COL5A2: variants seen among roughly 807,000 people sequenced by gnomAD.
COL5A2 encodes collagen alpha-2(V) chain.
In COL5A2, 23 loss-of-function variants were observed where a neutral mutation model predicts 208.2. That is an observed-to-expected ratio of 0.11 (90% CI 0.08 to 0.16). The LOEUF is 0.16. Ranked by LOEUF, COL5A2 falls within the 10% of genes least tolerant of loss-of-function variation. COL5A2 has a pLI of 1.00. For missense variants in COL5A2, 1,590 were observed against 1,956.4 expected (o/e 0.81, Z 3.53); for synonymous variants, 625 against 628.5 (o/e 0.99, Z 0.08).
chr2:189,402,668 G>A, the COL5A2 span, among the ~76,000 whole-genome samples: 3 of 152,130 alleles, frequency 2.0e-5, no homozygotes, highest in Non-Finnish European at 4.4e-5. Context: ...CCCCATTGTT[G>A]CTTTTGTCAG....
At chr2:189,301,186 CA>C in the COL5A2 span, among the ~76,000 whole-genome samples, 3 of 146,002 alleles carry the variant, frequency 2.1e-5, no homozygotes, top group Non-Finnish European at 3.0e-5. Context: ...AACCCTGTCT[CA>C]AAAAAAAAAT....
intron 12 of COL5A2, among the ~76,000 whole-genome samples, chr2:189,083,203 G>C (rs1241709483): frequency 6.6e-6 from 1 of 152,156 alleles, no homozygotes; most frequent in Non-Finnish European, 1.5e-5. Flanking sequence ...GAGGACTTTT[G>C]CTTGCTTATC....
At chr2:189,077,238 C>T (rs2105626852) in intron 16 of COL5A2, among the ~76,000 whole-genome samples, 1 of 152,204 alleles carries the variant, frequency 6.6e-6, no homozygotes, top group South Asian at 2.1e-4. Context: ...GACACCACAC[C>T]AATAACTAAC....
At chr2:189,186,437 G>A (rs1420557230) in intron 1 of COL5A2, among the ~76,000 whole-genome samples, 1 of 152,174 alleles carries the variant, frequency 6.6e-6, no homozygotes, top group East Asian at 1.9e-4. Context: ...GTCAAATACT[G>A]TGTTAGCACT....
At chr2:189,184,824 C>T (rs1251504999), upstream of COL5A2, among the ~76,000 whole-genome samples, 1 of 152,064 alleles carries the variant, frequency 6.6e-6, no homozygotes, top group Non-Finnish European at 1.5e-5. Context: ...GGCTATTATT[C>T]TTTCTGTACC....
At chr2:189,116,371 A>G (rs1003657495) in intron 1 of COL5A2, among the ~76,000 whole-genome samples, 4 of 152,196 alleles carry the variant, frequency 2.6e-5, no homozygotes, top group African/African-American at 9.7e-5. Context: ...ACTGTTTATC[A>G]TTAGAAGGGA....
intron 50 of COL5A2, among the ~76,000 whole-genome samples, chr2:189,041,025 C>T (rs753503917): frequency 6.6e-6 from 1 of 152,202 alleles, no homozygotes; most frequent in Admixed American, 6.5e-5. Flanking sequence ...TATACAAACA[C>T]GCACATGAGT....
intron 36 of COL5A2, 44 bp from the exon 37 acceptor site, chr2:189,053,992 A>G: frequency 6.3e-7 from 1 of 1,587,570 alleles, no homozygotes; most frequent in Non-Finnish European, 8.6e-7. Context: ...AACAGTAGCT[A>G]AACATAATTT....
intron 1 of COL5A2, among the ~76,000 whole-genome samples, chr2:189,163,882 T>C (rs1482835102): frequency 1.3e-5 from 2 of 152,216 alleles, no homozygotes; most frequent in Non-Finnish European, 2.9e-5. Flanking sequence ...AGTTAGTCCA[T>C]GACAGAGCTG....
At chr2:189,214,761 C>T (rs556238749) in intron 1 of COL5A2, among the ~76,000 whole-genome samples, 1 of 152,236 alleles carries the variant, frequency 6.6e-6, no homozygotes, top group African/African-American at 2.4e-5. Flanking sequence ...GTGACTAATT[C>T]TCAGTAGTAA....
chr2:189,292,587 T>C, the COL5A2 span, among the ~76,000 whole-genome samples: 2 of 152,096 alleles, frequency 1.3e-5, no homozygotes, highest in African/African-American at 2.4e-5. Flanking sequence ...TGGCAATCAT[T>C]AAAAAGTCAG....
chr2:189,348,890 C>T, the COL5A2 span, among the ~76,000 whole-genome samples: 1 of 152,108 alleles, frequency 6.6e-6, no homozygotes, highest in Non-Finnish European at 1.5e-5. Context: ...TGTTACCAGC[C>T]ATCATTTTTA....
At chr2:189,214,819 T>G (rs1041077472) in intron 1 of COL5A2, among the ~76,000 whole-genome samples, 2 of 152,182 alleles carry the variant, frequency 1.3e-5, no homozygotes, top group Admixed American at 6.5e-5. Context: ...AGGTACTTGT[T>G]TTCTTCCATA....
chr2:189,169,567 G>A (rs1397165234), intron 1 of COL5A2, among the ~76,000 whole-genome samples: 1 of 152,034 alleles, frequency 6.6e-6, no homozygotes, highest in South Asian at 2.1e-4. Flanking sequence ...GATCATAGTA[G>A]AATAAAATAT....
the COL5A2 span, among the ~76,000 whole-genome samples, chr2:189,249,764 T>G: frequency 6.6e-6 from 1 of 151,914 alleles, no homozygotes; most frequent in African/African-American, 2.4e-5. Flanking sequence ...TGGTGTGATC[T>G]CGGCTCATTG....
At chr2:189,182,935 T>C (rs1003947211), upstream of COL5A2, among the ~76,000 whole-genome samples, 59 of 152,288 alleles carry the variant, frequency 3.9e-4, no homozygotes, top group Middle Eastern at 3.4e-3. Flanking sequence ...TTCTCTCTTC[T>C]CTACCTTCCA....
At chr2:189,194,853 GATC>G (rs1688977532) in intron 1 of COL5A2, among the ~76,000 whole-genome samples, 1 of 152,120 alleles carries the variant, frequency 6.6e-6, no homozygotes, top group Non-Finnish European at 1.5e-5. Context: ...CTATTGAGAT[GATC>G]ATGTGGTTTT....
At chr2:189,399,722 C>T in the COL5A2 span, among the ~76,000 whole-genome samples, 1 of 151,610 alleles carries the variant, frequency 6.6e-6, no homozygotes, top group African/African-American at 2.4e-5. Flanking sequence ...CTGTTTGAAA[C>T]AGGGTCTCAC....
the COL5A2 span, among the ~76,000 whole-genome samples, chr2:189,391,224 A>C: frequency 6.6e-6 from 1 of 152,182 alleles, no homozygotes; most frequent in East Asian, 1.9e-4. Flanking sequence ...TAGATCTGAA[A>C]TGTAAGTAGG....
Sources: allele counts gnomAD v4.1 joint callset (sites outside exome capture counted in the v4.1 genomes callset), GRCh38; gene constraint gnomAD v4.1.1; transcripts MANE v1.5; gene names NCBI Gene and HGNC (gene_info 2026-07-23, HGNC 2026-07-21).